Variants in TM2D1 observed in about 807,000 individuals in gnomAD.
The protein encoded by TM2D1 is TM2 domain-containing protein 1.
Under a neutral mutation model 28.4 loss-of-function variants are expected in TM2D1, and 15 were observed. The observed-to-expected ratio is 0.53, with a 90% CI of 0.35 to 0.81. The LOEUF (loss-of-function observed/expected upper bound fraction) is 0.81. Among genes scored for constraint, TM2D1 ranks in the 40% least tolerant of loss-of-function variants. TM2D1 has a pLI of 0.01. For synonymous variants in TM2D1, 93 were observed against 96.2 expected, an observed-to-expected ratio of 0.97 and a Z score of 0.20; for missense variants, 236 against 254.9, an observed-to-expected ratio of 0.93 and a Z score of 0.50.
At position 61,700,050 on chromosome 1, in the gene TM2D1, T is replaced by G. The variant is rs907616577; in HGVS notation, c.439+884A>C. On this transcript the variant is annotated intron_variant, in intron 4 of 6. Coordinates refer to ENST00000606498, the MANE Select transcript of TM2D1 (RefSeq NM_032027.3). ...ACTTTAAATTTGCTCAGTGAAGGGC[T>G]AATATAGAAGCAGAGTACTACAGTA... 2.3e-6 allele frequency: 3 copies of G among 1,308,628 alleles called. No individual in the cohort carries two copies. The South Asian group carries it at 6.9e-5, about 30-fold the overall frequency. The allele number at this position is 1,308,628 out of a possible 1,614,324, so 81.1% of individuals were successfully genotyped here.
chr1:61,701,130 A>G, intron 3 of TM2D1, 105 bp from the exon 4 acceptor site: 1 of 843,772 alleles, frequency 1.2e-6, no homozygotes, highest in African/African-American at 1.7e-5. Flanking sequence ...CACTCAGTTA[A>G]TGTTTTTTAG....
At chr1:61,713,934 G>C (rs1489938621) in intron 2 of TM2D1, among the ~76,000 whole-genome samples, 1 of 140,086 alleles carries the variant, frequency 7.1e-6, no homozygotes, top group Non-Finnish European at 1.5e-5. Context: ...TGTCGCCCAG[G>C]CCGGACTGCG....
intron 4 of TM2D1, among the ~76,000 whole-genome samples, chr1:61,696,602 A>G (rs1195524579): frequency 6.6e-6 from 1 of 151,952 alleles, no homozygotes; most frequent in Non-Finnish European, 1.5e-5. Context: ...TAGTCCCTCT[A>G]AAGTTATATC....
At chr1:61,700,289 T>G (rs1644392222) in intron 4 of TM2D1, 1 of 1,463,906 alleles carries the variant, frequency 6.8e-7, no homozygotes. Flanking sequence ...TAAAGAGGAT[T>G]TAAAGAGGAT....
At chr1:61,701,930 C>T (rs1359492430) in intron 3 of TM2D1, among the ~76,000 whole-genome samples, 1 of 152,162 alleles carries the variant, frequency 6.6e-6, no homozygotes, top group Non-Finnish European at 1.5e-5. Flanking sequence ...GTGGCACACG[C>T]CTGTAATCCT....
intron 5 of TM2D1, among the ~76,000 whole-genome samples, chr1:61,691,950 T>C (rs1334549988): frequency 1.5e-5 from 2 of 133,424 alleles, no homozygotes; most frequent in African/African-American, 2.6e-5. Context: ...TATATATATA[T>C]ATATATATAT....
At chr1:61,696,674 T>C (rs1644365390) in intron 4 of TM2D1, among the ~76,000 whole-genome samples, 1 of 152,168 alleles carries the variant, frequency 6.6e-6, no homozygotes, top group Non-Finnish European at 1.5e-5. Flanking sequence ...TTTTGTGCCA[T>C]TTTCCAAGGA....
intron 6 of TM2D1, chr1:61,683,188 G>A: frequency 4.9e-6 from 1 of 204,188 alleles, no homozygotes; most frequent in Non-Finnish European, 9.7e-6. Flanking sequence ...CTTTTTTCTT[G>A]TGAACTTTGT....
rs559137272 is a variant in TM2D1 at position 61,708,968 on chromosome 1, C to T, written c.347+361G>A. Among the ~76,000 whole-genome samples the T allele has an allele frequency of 1.9e-4, 29 of 152,086 alleles. No individual in the cohort carries two copies. In the South Asian group the frequency reaches 3.7e-3, roughly 20 times the overall value. ...TCATGTCAGGCCAGGAGTTCGAGACCAGCGCTGGGAAACATAGAGAGATCT... is the reference window on the plus strand; with the variant it reads ...TCATGTCAGGCCAGGAGTTCGAGACTAGCGCTGGGAAACATAGAGAGATCT... On this transcript the variant is annotated intron_variant, in intron 3 of 6. Transcript: ENST00000606498.
At chr1:61,708,868 A>G (rs1434798987) in intron 3 of TM2D1, among the ~76,000 whole-genome samples, 1 of 152,120 alleles carries the variant, frequency 6.6e-6, no homozygotes, top group Non-Finnish European at 1.5e-5. Context: ...AAAAAAAAAA[A>G]AAAATACACA....
intron 5 of TM2D1, among the ~76,000 whole-genome samples, chr1:61,691,147 G>C (rs1644320822): frequency 6.6e-6 from 1 of 151,964 alleles, no homozygotes; most frequent in South Asian, 2.1e-4. Context: ...CTTAATATAA[G>C]AGACTTTATT....
At chr1:61,691,495 CAAAAAAAAAAAA>C (rs1183951634) in intron 5 of TM2D1, among the ~76,000 whole-genome samples, 3 of 39,348 alleles carry the variant, frequency 7.6e-5, no homozygotes, top group African/African-American at 2.8e-4. Flanking sequence ...AACTCCATCT[CAAAAAAAAAAAA>C]AAAAAAAAAG....
intron 5 of TM2D1, among the ~76,000 whole-genome samples, chr1:61,687,227 T>C (rs1048818037): frequency 3.9e-5 from 6 of 151,976 alleles, no homozygotes; most frequent in Non-Finnish European, 7.4e-5. Flanking sequence ...ACAAAAAGTA[T>C]ATTAGAGGTT....
chr1:61,716,431 A>G (rs1644520684), intron 2 of TM2D1, among the ~76,000 whole-genome samples: 1 of 140,704 alleles, frequency 7.1e-6, no homozygotes. Flanking sequence ...AATTATATAT[A>G]AGTGTATAAT....
At chr1:61,682,035 C>G (rs1386264610) in intron 6 of TM2D1, among the ~76,000 whole-genome samples, 2 of 152,086 alleles carry the variant, frequency 1.3e-5, no homozygotes, top group South Asian at 2.1e-4. Flanking sequence ...TGAATAAATT[C>G]CTTACATCTT....
intron 2 of TM2D1, among the ~76,000 whole-genome samples, chr1:61,721,951 TAAAAAAAAAAAA>T (rs768461684): frequency 6.8e-4 from 30 of 44,026 alleles, no homozygotes; most frequent in African/African-American, 2.9e-3. Context: ...TCTCTACAGC[TAAAAAAAAAAAA>T]AAAAAAAAAA....
At chr1:61,701,672 G>A (rs535649517) in intron 3 of TM2D1, among the ~76,000 whole-genome samples, 7 of 151,634 alleles carry the variant, frequency 4.6e-5, no homozygotes, top group Admixed American at 6.6e-5. Flanking sequence ...TGTGTCTAAC[G>A]TTATAAGGAT....
chr1:61,724,671 A>G (rs1431405992), intron 1 of TM2D1, among the ~76,000 whole-genome samples: 2 of 152,112 alleles, frequency 1.3e-5, no homozygotes, highest in East Asian at 1.9e-4. Context: ...CAGGATCTAC[A>G]TGTTTTACTG....
chr1:61,703,917 C>T (rs6666057), intron 3 of TM2D1, among the ~76,000 whole-genome samples: 26,975 of 151,268 alleles, frequency 0.18, 2,989 homozygotes, highest in Non-Finnish European at 0.25. Flanking sequence ...CCACCACACC[C>T]GGCTAATTTT....
Sources: allele counts gnomAD v4.1 joint callset (sites outside exome capture counted in the v4.1 genomes callset), GRCh38; gene constraint gnomAD v4.1.1; transcripts MANE v1.5; gene names NCBI Gene and HGNC (gene_info 2026-07-23, HGNC 2026-07-21).